ADAMTSL1: variants seen among roughly 807,000 people sequenced by gnomAD.
ADAMTSL1 encodes the protein ADAMTS-like protein 1.
A neutral mutation model predicts 201.8 loss-of-function variants in ADAMTSL1; 126 were observed. The ratio of observed to expected loss-of-function variants is 0.62; its 90% CI spans 0.54 to 0.72. The LOEUF is 0.72. ADAMTSL1 is among the 30% of genes least tolerant of loss of function. The pLI is 0.00. For missense variants in ADAMTSL1, 2,679 were observed against 2,277.8 expected, an observed-to-expected ratio of 1.18 and a Z score of -3.59; for synonymous variants, 1,121 against 903.4, an observed-to-expected ratio of 1.24 and a Z score of -4.32.
intron 14 of ADAMTSL1, 60 bp from the exon 15 acceptor site, chr9:18,721,476 A>G (rs894666027): frequency 1.3e-5 from 21 of 1,591,298 alleles, no homozygotes; most frequent in Middle Eastern, 1.9e-4. Flanking sequence ...TCTACACTTC[A>G]TCACCCCCCA....
intron 2 of ADAMTSL1, among the ~76,000 whole-genome samples, chr9:18,186,329 C>A (rs1587262310): frequency 6.6e-6 from 1 of 152,126 alleles, no homozygotes; most frequent in Non-Finnish European, 1.5e-5. Flanking sequence ...GTTTCTATAA[C>A]CTTCCTATAA....
chr9:18,785,174 A>AG, intron 19 of ADAMTSL1, among the ~76,000 whole-genome samples: 1 of 152,018 alleles, frequency 6.6e-6, no homozygotes, highest in East Asian at 1.9e-4. Flanking sequence ...AAAAAAAAAA[A>AG]ACTTAATGGA....
Position 17,911,673 on chromosome 9 carries a change from C to T in ADAMTSL1, c.87+4751C>T, listed in dbSNP as rs1431903089. ...GGGCACCTGATTTCCAACTAAAATT[C>T]TTTTTCTTATTTTATTTTATTACTA... On this transcript the variant is annotated intron_variant, in intron 1 of 29. Transcript: ENST00000680146. Among the ~76,000 whole-genome samples the T allele has an allele frequency of 2.9e-5, 2 of 68,180 alleles. 1 individual carries two copies. The highest frequency in any genetic ancestry group is 9.0e-5 in the Non-Finnish European group (2 of 22,208). 44.7% of individuals were successfully genotyped at this position (68,180 alleles called of 152,430 possible). A position where few individuals can be genotyped will look rare whatever the true frequency, so the allele number is the denominator to read the frequency against.
At chr9:18,088,750 T>C (rs1823874846) in intron 1 of ADAMTSL1, among the ~76,000 whole-genome samples, 1 of 152,152 alleles carries the variant, frequency 6.6e-6, no homozygotes, top group Non-Finnish European at 1.5e-5. Flanking sequence ...GTTGGTAAGT[T>C]TGTGGAGAAA....
intron 2 of ADAMTSL1, among the ~76,000 whole-genome samples, chr9:18,218,065 G>A (rs1052341753): frequency 3.3e-5 from 5 of 152,134 alleles, no homozygotes; most frequent in Admixed American, 6.5e-5. Context: ...AAATAAGAAA[G>A]TTTAATTTTG....
At chr9:18,185,625 G>C (rs911445995) in intron 2 of ADAMTSL1, among the ~76,000 whole-genome samples, 1 of 152,084 alleles carries the variant, frequency 6.6e-6, no homozygotes, top group Non-Finnish European at 1.5e-5. Context: ...TGATAGCAAC[G>C]AGAGAAGAGA....
At chr9:18,713,842 C>A (rs1369146387) in intron 14 of ADAMTSL1, among the ~76,000 whole-genome samples, 2 of 146,220 alleles carry the variant, frequency 1.4e-5, no homozygotes, top group African/African-American at 2.5e-5. Flanking sequence ...TGACCACATA[C>A]TGGGAAGTAA....
chr9:18,433,884 A>G (rs1015279541), intron 2 of ADAMTSL1, among the ~76,000 whole-genome samples: 2 of 152,252 alleles, frequency 1.3e-5, no homozygotes, highest in Admixed American at 6.5e-5. Context: ...TGGATTCAAT[A>G]CAGAATGTGT....
chr9:18,024,277 A>G (rs1820600817), intron 1 of ADAMTSL1, among the ~76,000 whole-genome samples: 2 of 152,068 alleles, frequency 1.3e-5, no homozygotes, highest in Non-Finnish European at 2.9e-5. Context: ...TGCAACTTTT[A>G]TTTTAGCTTT....
At chr9:18,192,764 A>G (rs1160069628) in intron 2 of ADAMTSL1, among the ~76,000 whole-genome samples, 1 of 152,168 alleles carries the variant, frequency 6.6e-6, no homozygotes, top group Admixed American at 6.6e-5. Context: ...CCAAAAATAT[A>G]CAATGCATGG....
intron 2 of ADAMTSL1, among the ~76,000 whole-genome samples, chr9:18,357,456 G>A (rs562769171): frequency 7.9e-5 from 12 of 152,260 alleles, no homozygotes; most frequent in African/African-American, 2.4e-4. Flanking sequence ...CTAGAGGGCA[G>A]GGAGTTCTAG....
chr9:18,114,250 G>A (rs1012590671), intron 1 of ADAMTSL1, among the ~76,000 whole-genome samples: 1 of 152,094 alleles, frequency 6.6e-6, no homozygotes, highest in Non-Finnish European at 1.5e-5. Flanking sequence ...ATGAAAGTTG[G>A]CCATTCAACT....
chr9:18,649,896 G>A (rs912110679), intron 7 of ADAMTSL1, among the ~76,000 whole-genome samples: 20 of 152,140 alleles, frequency 1.3e-4, no homozygotes, highest in African/African-American at 3.6e-4. Flanking sequence ...GCTGCGTGCT[G>A]GGAGAACCAC....
chr9:18,531,536 A>C (rs1340099320), intron 2 of ADAMTSL1, among the ~76,000 whole-genome samples: 1 of 152,190 alleles, frequency 6.6e-6, no homozygotes, highest in Non-Finnish European at 1.5e-5. Flanking sequence ...GCATAGTAAT[A>C]GTCAGTCTGA....
chr9:18,777,932 T>TG, intron 19 of ADAMTSL1, 26 bp downstream of exon 19: 1 of 1,518,412 alleles, frequency 6.6e-7, no homozygotes, highest in Non-Finnish European at 8.8e-7. Flanking sequence ...AACCTGGTCT[T>TG]GGGAGGGAGG....
chr9:18,749,851 G>C (rs1819362834), intron 15 of ADAMTSL1, among the ~76,000 whole-genome samples: 1 of 152,246 alleles, frequency 6.6e-6, no homozygotes, highest in Non-Finnish European at 1.5e-5. Context: ...TATCAGGGCA[G>C]GCAGATATGT....
intron 13 of ADAMTSL1, among the ~76,000 whole-genome samples, chr9:18,693,750 G>T (rs544687339): frequency 4.0e-4 from 61 of 152,192 alleles, no homozygotes; most frequent in African/African-American, 1.2e-3. Context: ...ATAGAGATTT[G>T]GTCAAGTGAG....
chr9:18,777,035 C>T lies in ADAMTSL1; in HGVS notation c.2806C>T (p.Arg936Cys), dbSNP rs374272183. Residue 936 changes from arginine to cysteine, a missense_variant, in exon 19 of 29, where the codon CGC becomes TGC. Transcript: ENST00000380548. ...CCCCTTCGGCTATCTCAAGATCCAC[C>T]GCCTCAAGCCCTCGGATGCAGGCGT... Reference protein sequence around the residue: ...VAPFGYLKIHRLKPSDAGVYT... With the variant: ...VAPFGYLKIHCLKPSDAGVYT... 2 of 1,609,504 alleles carry T rather than the reference C, an allele frequency of 1.2e-6. No individual in the cohort carries two copies. The highest frequency in any genetic ancestry group is 1.3e-5 in the African/African-American group (1 of 74,794).
intron 7 of ADAMTSL1, among the ~76,000 whole-genome samples, chr9:18,643,001 G>T (rs776748): frequency 6.6e-6 from 1 of 151,992 alleles, no homozygotes; most frequent in East Asian, 1.9e-4. Context: ...TTTTAGAAAT[G>T]TTTATACTGT....
Sources: gnomAD v4.1 joint callset for allele counts (sites outside exome capture counted in the v4.1 genomes callset) on GRCh38, gnomAD v4.1.1 for gene constraint, MANE v1.5 for transcripts, NCBI Gene and HGNC (gene_info 2026-07-23, HGNC 2026-07-21) for gene names.